Variants in TNR observed in about 807,000 individuals in gnomAD.
TNR encodes tenascin-R.
In TNR, 45 loss-of-function variants were observed where a neutral mutation model predicts 150.4. That is an observed-to-expected ratio of 0.30 (90% confidence interval 0.24 to 0.38). The LOEUF (loss-of-function observed/expected upper bound fraction) is 0.38, where lower values mean the gene tolerates loss of function less well. Among genes scored for constraint, TNR ranks in the 10% least tolerant of loss-of-function variants. The probability of loss-of-function intolerance (pLI) is 1.00; values close to 1 mark genes in which losing one functional copy is unlikely to be tolerated. For synonymous variants in TNR, 687 were observed against 678.4 expected, an observed-to-expected ratio of 1.01 and a Z score of -0.20; for missense variants, 1,544 against 1,759.1, an observed-to-expected ratio of 0.88 and a Z score of 2.19.
At chr1:175,331,131 T>TC (rs1557868419) in intron 20 of TNR, among the ~76,000 whole-genome samples, 59 of 122,190 alleles carry the variant, frequency 4.8e-4, no homozygotes, top group Non-Finnish European at 8.4e-4. Context: ...TCTTTCTTTC[T>TC]TTTCTTTCTT....
chr1:175,731,724 T>C (rs576924393), intron 1 of TNR, among the ~76,000 whole-genome samples: 86 of 152,300 alleles, frequency 5.6e-4, no homozygotes, highest in African/African-American at 2.0e-3. Context: ...TGTGGGTAGT[T>C]GTTCCAAGAC....
chr1:175,368,913 C>T (rs1051966921), intron 9 of TNR, among the ~76,000 whole-genome samples: 1 of 152,170 alleles, frequency 6.6e-6, no homozygotes, highest in African/African-American at 2.4e-5. Flanking sequence ...CATGCCACTG[C>T]ACTCCAGCCT....
chr1:175,376,112 C>T (rs1652363073), intron 9 of TNR, among the ~76,000 whole-genome samples: 1 of 152,012 alleles, frequency 6.6e-6, no homozygotes, highest in Non-Finnish European at 1.5e-5. Context: ...GTTGGTAGTT[C>T]TCGGGGGAAG....
chr1:175,497,944 C>T (rs1658556967), intron 2 of TNR, among the ~76,000 whole-genome samples: 1 of 152,070 alleles, frequency 6.6e-6, no homozygotes, highest in Non-Finnish European at 1.5e-5. Flanking sequence ...CCTGTTGTCC[C>T]AGCTACTCAG....
In TNR at chr1:175,320,024, C is replaced by T. The variant is rs1267426598; in HGVS notation, c.*3333G>A. 6.6e-6 allele frequency: 1 copy of T among 152,238 alleles called. No individual in the cohort carries two copies. The highest frequency in any genetic ancestry group is 1.5e-5 in the Non-Finnish European group (1 of 68,046). The allele number at this position is 152,238 out of a possible 1,614,324, so 9.4% of individuals were successfully genotyped here. ...ATGCAAAAAAGGGAAACTGCCTGGA[C>T]CTTGGGTCTAGACAGTGAATCTATT... On this transcript the variant is annotated 3_prime_UTR_variant, in exon 23 of 23. Transcript: ENST00000367674.
intron 2 of TNR, among the ~76,000 whole-genome samples, chr1:175,491,450 AC>A (rs550063521): frequency 1.0e-3 from 156 of 150,210 alleles, no homozygotes; most frequent in African/African-American, 3.6e-3. Context: ...TTAGCACATG[AC>A]CTCCTGACTT....
chr1:175,387,260 C>T (rs1332541425), intron 7 of TNR, among the ~76,000 whole-genome samples: 1 of 152,226 alleles, frequency 6.6e-6, no homozygotes, highest in Non-Finnish European at 1.5e-5. Flanking sequence ...GTCTGCATGG[C>T]CAACATGCTC....
At chr1:175,563,405 C>T (rs1297539377) in intron 1 of TNR, among the ~76,000 whole-genome samples, 2 of 152,228 alleles carry the variant, frequency 1.3e-5, no homozygotes, top group Non-Finnish European at 2.9e-5. Flanking sequence ...CCCACGAAAG[C>T]ACTTCATTCC....
chr1:175,678,567 C>T (rs1297817516), intron 1 of TNR, among the ~76,000 whole-genome samples: 2 of 152,206 alleles, frequency 1.3e-5, no homozygotes, highest in Non-Finnish European at 2.9e-5. Flanking sequence ...CCTCCCCTGT[C>T]TGCTTCCTCT....
intron 1 of TNR, among the ~76,000 whole-genome samples, chr1:175,594,495 C>A (rs1215172481): frequency 6.6e-6 from 1 of 152,096 alleles, no homozygotes; most frequent in African/African-American, 2.4e-5. Flanking sequence ...TGCATTTAAT[C>A]ATATATTATC....
chr1:175,733,575 G>A (rs1406559790), intron 1 of TNR, among the ~76,000 whole-genome samples: 1 of 152,108 alleles, frequency 6.6e-6, no homozygotes, highest in South Asian at 2.1e-4. Flanking sequence ...AAGGGGTAGG[G>A]GTAGAGGGGA....
At chr1:175,692,649 C>A (rs1666403996) in intron 1 of TNR, among the ~76,000 whole-genome samples, 1 of 152,080 alleles carries the variant, frequency 6.6e-6, no homozygotes, top group Admixed American at 6.6e-5. Context: ...GAGAGGTGGC[C>A]AGAGGAGTTA....
intron 1 of TNR, among the ~76,000 whole-genome samples, chr1:175,537,682 T>C (rs1660345507): frequency 6.6e-6 from 1 of 152,240 alleles, no homozygotes. Flanking sequence ...GATGAAGGAC[T>C]CTGGGTTAGG....
At chr1:175,480,443 G>GAGAA (rs1553228915) in intron 2 of TNR, among the ~76,000 whole-genome samples, 3 of 94,654 alleles carry the variant, frequency 3.2e-5, no homozygotes, top group African/African-American at 9.7e-5. Flanking sequence ...AAGAAAGAAA[G>GAGAA]AGAAAGAAAG....
intron 1 of TNR, among the ~76,000 whole-genome samples, chr1:175,616,041 G>C (rs1426134768): frequency 1.3e-5 from 2 of 152,178 alleles, no homozygotes; most frequent in Non-Finnish European, 2.9e-5. Context: ...AAATAACTGA[G>C]AGAATGGCAT....
chr1:175,625,758 A>G (rs1664131691), intron 1 of TNR, among the ~76,000 whole-genome samples: 1 of 152,248 alleles, frequency 6.6e-6, no homozygotes, highest in Admixed American at 6.5e-5. Flanking sequence ...CACTTTCTGC[A>G]GAGGGCCTGA....
intron 1 of TNR, among the ~76,000 whole-genome samples, chr1:175,720,504 T>C (rs1001528367): frequency 6.6e-6 from 1 of 152,224 alleles, no homozygotes; most frequent in Non-Finnish European, 1.5e-5. Flanking sequence ...TGGGGACACC[T>C]GCCCCAAGAC....
At chr1:175,623,381 C>T (rs1278123305) in intron 1 of TNR, among the ~76,000 whole-genome samples, 1 of 152,186 alleles carries the variant, frequency 6.6e-6, no homozygotes, top group African/African-American at 2.4e-5. Flanking sequence ...CAGTTTCTTA[C>T]CCAAAATGTA....
intron 1 of TNR, among the ~76,000 whole-genome samples, chr1:175,535,871 C>T (rs1323153920): frequency 2.0e-5 from 3 of 152,160 alleles, no homozygotes; most frequent in East Asian, 1.9e-4. Flanking sequence ...ATTTCATCAA[C>T]CTCTAGCTAA....
Sources: allele counts gnomAD v4.1 joint callset (sites outside exome capture counted in the v4.1 genomes callset), GRCh38; gene constraint gnomAD v4.1.1; transcripts MANE v1.5; gene names NCBI Gene and HGNC (gene_info 2026-07-23, HGNC 2026-07-21).